Variants in RSPO3 observed in about 807,000 individuals in gnomAD.
RSPO3 encodes R-spondin 3.
Under a neutral mutation model 36.5 loss-of-function variants are expected in RSPO3, and 17 were observed. That is an observed-to-expected ratio of 0.47 (90% CI 0.32 to 0.70). The LOEUF (loss-of-function observed/expected upper bound fraction) is 0.70, where lower values mean the gene tolerates loss of function less well. Ranked by LOEUF, RSPO3 falls within the 30% of genes least tolerant of loss-of-function variation. The probability of loss-of-function intolerance (pLI) is 0.04; values close to 1 mark genes in which losing one functional copy is unlikely to be tolerated. For missense variants in RSPO3, 294 were observed against 322.5 expected, an observed-to-expected ratio of 0.91 and a Z score of 0.68; for synonymous variants, 108 against 107.0, an observed-to-expected ratio of 1.01 and a Z score of -0.06.
At chr6:127,126,314 CCTA>C (rs1351131521) in intron 1 of RSPO3, among the ~76,000 whole-genome samples, 1 of 152,036 alleles carries the variant, frequency 6.6e-6, no homozygotes, top group African/African-American at 2.4e-5. Flanking sequence ...TGTGTGCTCT[CCTA>C]CTGATACGGG....
At chr6:127,166,642 T>C (rs1285949806) in intron 4 of RSPO3, among the ~76,000 whole-genome samples, 1 of 152,004 alleles carries the variant, frequency 6.6e-6, no homozygotes, top group Non-Finnish European at 1.5e-5. Flanking sequence ...AATTGTGAGA[T>C]CTAATATTAA....
intron 3 of RSPO3, among the ~76,000 whole-genome samples, chr6:127,154,842 T>A (rs1774561361): frequency 6.6e-6 from 1 of 152,150 alleles, no homozygotes; most frequent in African/African-American, 2.4e-5. Flanking sequence ...TTCTGATGCA[T>A]GCTAAAGTTT....
chr6:127,178,939 G>A (rs1277043137), intron 4 of RSPO3, among the ~76,000 whole-genome samples: 1 of 151,806 alleles, frequency 6.6e-6, no homozygotes, highest in East Asian at 1.9e-4. Flanking sequence ...GAGAAAACAT[G>A]GGAATAAATT....
intron 4 of RSPO3, among the ~76,000 whole-genome samples, chr6:127,158,935 A>T (rs1399189650): frequency 2.0e-5 from 3 of 152,186 alleles, no homozygotes; most frequent in African/African-American, 7.2e-5. Flanking sequence ...GAAATATCAA[A>T]AATATAGATT....
chr6:127,130,533 C>T (rs928244864), intron 1 of RSPO3, among the ~76,000 whole-genome samples: 2 of 152,136 alleles, frequency 1.3e-5, no homozygotes, highest in Admixed American at 6.6e-5. Flanking sequence ...TGTCCTTGTG[C>T]ACTGCACACA....
Position 127,196,102 on chromosome 6 carries a change from G to A in RSPO3, c.*95G>A. 2.0e-6 allele frequency: 2 copies of A among 996,578 alleles called. No homozygotes were observed. The highest frequency in any genetic ancestry group is 5.0e-5 in the South Asian group (2 of 39,800). 61.7% of individuals were successfully genotyped at this position (996,578 alleles called of 1,614,324 possible). On this transcript the variant is annotated 3_prime_UTR_variant, in exon 5 of 5. Coordinates refer to ENST00000356698, the MANE Select transcript of RSPO3 (RefSeq NM_032784.5). ...AGCCATTAGGACCACAAATGGACAT[G>A]TCAGTTATTGCTCTGTCTAAACAAC...
intron 1 of RSPO3, among the ~76,000 whole-genome samples, chr6:127,146,173 T>C (rs980973574): frequency 1.3e-5 from 2 of 152,160 alleles, no homozygotes; most frequent in Admixed American, 6.6e-5. Flanking sequence ...ATATTCAAAA[T>C]TCATTGCCAT....
intron 1 of RSPO3, among the ~76,000 whole-genome samples, chr6:127,127,285 A>C (rs1246769879): frequency 6.6e-6 from 1 of 152,090 alleles, no homozygotes; most frequent in African/African-American, 2.4e-5. Flanking sequence ...CTGTTCTACA[A>C]AGAGACTTCA....
intron 1 of RSPO3, among the ~76,000 whole-genome samples, chr6:127,147,856 C>T (rs1774418209): frequency 6.6e-6 from 1 of 152,118 alleles, no homozygotes; most frequent in African/African-American, 2.4e-5. Context: ...AACTGTAAGA[C>T]TCCAGTTCCA....
At chr6:127,177,813 T>A (rs941415768) in intron 4 of RSPO3, among the ~76,000 whole-genome samples, 4 of 151,664 alleles carry the variant, frequency 2.6e-5, no homozygotes, top group Non-Finnish European at 5.9e-5. Flanking sequence ...CAAAAGTCAG[T>A]CGTAAATGCT....
intron 4 of RSPO3, among the ~76,000 whole-genome samples, chr6:127,194,355 T>A (rs1775470567): frequency 1.3e-5 from 2 of 152,236 alleles, no homozygotes; most frequent in Admixed American, 1.3e-4. Context: ...TGACCCAGTA[T>A]GTGGGATACA....
At chr6:127,160,608 A>T (rs1305505410) in intron 4 of RSPO3, among the ~76,000 whole-genome samples, 1 of 152,234 alleles carries the variant, frequency 6.6e-6, no homozygotes, top group Non-Finnish European at 1.5e-5. Flanking sequence ...TAAGGGGCAC[A>T]TTATGCAGAA....
chr6:127,147,078 T>C (rs1463058851), intron 1 of RSPO3, among the ~76,000 whole-genome samples: 1 of 152,144 alleles, frequency 6.6e-6, no homozygotes, highest in African/African-American at 2.4e-5. Flanking sequence ...AAAAGCAGAC[T>C]TCCCTTCCCC....
At chr6:127,188,809 T>C (rs1229861644) in intron 4 of RSPO3, among the ~76,000 whole-genome samples, 1 of 152,176 alleles carries the variant, frequency 6.6e-6, no homozygotes, top group African/African-American at 2.4e-5. Context: ...ATTAAGAAAG[T>C]ACACTCCAAA....
At chr6:127,125,357 T>A (rs1415071388) in intron 1 of RSPO3, among the ~76,000 whole-genome samples, 1 of 152,182 alleles carries the variant, frequency 6.6e-6, no homozygotes, top group Non-Finnish European at 1.5e-5. Context: ...CTCCTTAGTG[T>A]ATGTTGGGAG....
chr6:127,174,303 A>G (rs1775003108), intron 4 of RSPO3, among the ~76,000 whole-genome samples: 1 of 151,890 alleles, frequency 6.6e-6, no homozygotes, highest in Non-Finnish European at 1.5e-5. Flanking sequence ...TAAGCCTTCT[A>G]AGGCACTTGC....
intron 4 of RSPO3, among the ~76,000 whole-genome samples, chr6:127,160,472 T>C (rs1774688665): frequency 6.6e-6 from 1 of 152,154 alleles, no homozygotes; most frequent in Non-Finnish European, 1.5e-5. Flanking sequence ...GAAGCAGCAG[T>C]GTACAGCAGC....
At chr6:127,180,555 G>C (rs1303711509) in intron 4 of RSPO3, among the ~76,000 whole-genome samples, 1 of 134,500 alleles carries the variant, frequency 7.4e-6, no homozygotes, top group Non-Finnish European at 1.6e-5. Context: ...AGGTTCTAGA[G>C]ATGACAGAGG....
intron 1 of RSPO3, among the ~76,000 whole-genome samples, chr6:127,138,582 A>C (rs995688737): frequency 4.6e-5 from 7 of 152,146 alleles, no homozygotes; most frequent in Admixed American, 3.3e-4. Context: ...TCTTATACCT[A>C]TGATTTTGAT....
Sources: gnomAD v4.1 joint callset for allele counts (sites outside exome capture counted in the v4.1 genomes callset) on GRCh38, gnomAD v4.1.1 for gene constraint, MANE v1.5 for transcripts, NCBI Gene and HGNC (gene_info 2026-07-23, HGNC 2026-07-21) for gene names.